The following BORA variants were observed in gnomAD, a reference collection of about 807,000 sequenced individuals.
BORA encodes BORA aurora kinase A activator, also known as protein aurora borealis.
A neutral mutation model predicts 55.8 loss-of-function variants in BORA; 26 were observed. The observed-to-expected ratio is 0.47, with a 90% CI of 0.34 to 0.65. BORA has a LOEUF of 0.65. Ranked by LOEUF, BORA falls within the 30% of genes least tolerant of loss-of-function variation. The probability of loss-of-function intolerance (pLI) is 0.01; values close to 1 mark genes in which losing one functional copy is unlikely to be tolerated. For missense variants in BORA, 568 were observed against 671.5 expected, an observed-to-expected ratio of 0.85 and a Z score of 1.70; for synonymous variants, 201 against 216.9, an observed-to-expected ratio of 0.93 and a Z score of 0.64.
Position 72,745,003 on chromosome 13 carries a change from A to T in BORA, c.534A>T (p.Glu178Asp), listed in dbSNP as rs768033638. The change falls in exon 8 of 12, where the codon GAA (glutamate) becomes GAT (aspartate). Residue 178 changes from glutamate (E) to aspartate (D), a missense_variant. Glu to Asp is a conservative substitution (Grantham distance 45). Transcript: ENST00000390667. Reference protein sequence around the residue: ...NILGDYFRADEFADQSPGNLS... With the variant: ...NILGDYFRADDFADQSPGNLS... ...TAGGTGACTATTTTAGAGCTGATGA[A>T]TTTGCAGATCAATCTCCTGGAAACC... The T allele has an allele frequency of 8.1e-6, 13 of 1,613,876 alleles. No individual in the cohort carries two copies. The South Asian group carries it at 1.4e-4, about 18-fold the overall frequency.
chr13:72,753,747 G>C lies in BORA; in HGVS notation c.1540G>C (p.Ala514Pro), dbSNP rs1376895443. The change falls in exon 11 of 12, where the codon GCA becomes CCA. Residue 514 changes from alanine to proline, a missense_variant. Physicochemically the swap from Ala to Pro is conservative, Grantham distance 27. Transcript: ENST00000390667. The stretch of plus-strand genomic sequence containing the variant: ...AAGCAATATTATGGATACAGTTGGG[G>C]CAGAAAGTTACTGCAAAGAAAGTGA... ...CGSNIMDTVG[A>P]ESYCKESDAQ... 4 of 1,613,540 alleles carry C rather than the reference G, an allele frequency of 2.5e-6. No individual in the cohort carries two copies. Among genetic ancestry groups the C allele is most frequent in the Non-Finnish European group, 2.5e-6 (3 of 1,179,674 alleles).
intron 6 of BORA, among the ~76,000 whole-genome samples, 189 bp from the exon 7 acceptor site, chr13:72,744,316 C>G (rs1233511774): frequency 6.6e-6 from 1 of 152,132 alleles, no homozygotes; most frequent in Non-Finnish European, 1.5e-5. Flanking sequence ...ACACCAGTTG[C>G]GGAGAGTGTG....
chr13:72,746,193 C>T, intron 9 of BORA, 117 bp downstream of exon 9: 2 of 997,574 alleles, frequency 2.0e-6, no homozygotes, highest in Non-Finnish European at 2.9e-6. Context: ...AACCTTCTAA[C>T]ATTTAGGAAC....
chr13:72,746,434 A>AT (rs1319884640), intron 9 of BORA, 67 bp from the exon 10 acceptor site: 2 of 1,498,788 alleles, frequency 1.3e-6, no homozygotes, highest in Non-Finnish European at 1.8e-6. Context: ...CATGATTACC[A>AT]TTTAGTAGTG....
At chr13:72,750,791 C>T (rs920713358) in intron 10 of BORA, among the ~76,000 whole-genome samples, 1 of 152,074 alleles carries the variant, frequency 6.6e-6, no homozygotes, top group African/African-American at 2.4e-5. Context: ...TAGATATCGT[C>T]ATCTGTCAAA....
In BORA at chr13:72,745,925, C is replaced by T; in HGVS notation, c.739-19C>T. The T allele has an allele frequency of 6.3e-7, 1 of 1,593,014 alleles. No homozygotes were observed. The highest frequency in any genetic ancestry group is 8.6e-7 in the Non-Finnish European group (1 of 1,169,518). ...GAAGAGAACCATATACATTTATTTA[C>T]TATTTAATTTTATTACAGGGGCAGT... On this transcript the variant is annotated intron_variant, in intron 8 of 11. Transcript: ENST00000390667.
At chr13:72,744,599 A>G in intron 7 of BORA, 38 bp downstream of exon 7, 1 of 1,491,678 alleles carries the variant, frequency 6.7e-7, no homozygotes, top group Admixed American at 1.8e-5. Context: ...AATAACTTGA[A>G]CCAAAGGTTT....
intron 5 of BORA, among the ~76,000 whole-genome samples, chr13:72,739,575 G>C (rs771119391): frequency 6.6e-6 from 1 of 152,184 alleles, no homozygotes; most frequent in Non-Finnish European, 1.5e-5. Context: ...TTGTTTTGCT[G>C]TCCAGTATAG....
intron 10 of BORA, among the ~76,000 whole-genome samples, chr13:72,749,964 C>T (rs1176521484): frequency 1.3e-5 from 2 of 152,212 alleles, no homozygotes; most frequent in East Asian, 3.9e-4. Flanking sequence ...TTTTTATCCC[C>T]AGTGCTTATT....
At chr13:72,739,140 C>A (rs1233603083) in intron 5 of BORA, among the ~76,000 whole-genome samples, 1 of 152,072 alleles carries the variant, frequency 6.6e-6, no homozygotes, top group Non-Finnish European at 1.5e-5. Flanking sequence ...CATTTACATC[C>A]CCCCAGCTCT....
chr13:72,754,234 T>C lies in BORA; in HGVS notation c.1614+413T>C, dbSNP rs184258977. 7.1e-3 allele frequency: 1,114 copies of C among 157,194 alleles called. 18 individuals carry two copies. Among genetic ancestry groups the C allele is most frequent in the African/African-American group, 0.026 (1,074 of 41,572 alleles). The allele number at this position is 157,194 out of a possible 1,614,324, so 9.7% of individuals were successfully genotyped here. A position where few individuals can be genotyped will look rare whatever the true frequency, so the allele number is the denominator to read the frequency against. ...CAAACTCCTGGTGTCAAGCAGTCTTTCTGCCTCAGCCTCGCAAAGTGCTGC... is the reference window on the plus strand; with the variant it reads ...CAAACTCCTGGTGTCAAGCAGTCTTCCTGCCTCAGCCTCGCAAAGTGCTGC... On this transcript the variant is annotated intron_variant, in intron 11 of 11. Coordinates refer to ENST00000390667, the MANE Select transcript of BORA (RefSeq NM_024808.5).
intron 10 of BORA, among the ~76,000 whole-genome samples, chr13:72,750,759 C>T (rs77332909): frequency 0.032 from 4,905 of 152,178 alleles, 230 homozygotes; most frequent in East Asian, 0.18. Context: ...AAGCTAATCC[C>T]TGTAATACCT....
At position 72,747,002 on chromosome 13, in the gene BORA, C is replaced by T. The variant is rs747689164; in HGVS notation, c.1373C>T (p.Pro458Leu). The T allele has an allele frequency of 6.2e-7, 1 of 1,614,038 alleles. No homozygotes were observed. The highest frequency in any genetic ancestry group is 8.5e-7 in the Non-Finnish European group (1 of 1,179,986). ...IKEPVDNGSLPMTDFVSGIAF... is the reference protein window; with the variant it reads ...IKEPVDNGSLLMTDFVSGIAF... ...GAGCCGGTTGATAATGGCAGTTTACCCATGACTGATTTTGTAAGTGGCATT... is the reference window on the plus strand; with the variant it reads ...GAGCCGGTTGATAATGGCAGTTTACTCATGACTGATTTTGTAAGTGGCATT... The change falls in exon 10 of 12, where the codon CCC becomes CTC. Residue 458 changes from proline to leucine, a missense_variant. Physicochemically the swap from Pro to Leu is moderately conservative, Grantham distance 98 (BLOSUM62 -3). Coordinates refer to ENST00000390667, the MANE Select transcript of BORA (RefSeq NM_024808.5).
intron 5 of BORA, among the ~76,000 whole-genome samples, chr13:72,739,429 A>G (rs1452779909): frequency 1.3e-5 from 2 of 152,188 alleles, no homozygotes; most frequent in Non-Finnish European, 2.9e-5. Flanking sequence ...TTGTTGGGAG[A>G]CAATTCTCCA....
At chr13:72,737,129 A>G (rs1406374998) in intron 4 of BORA, among the ~76,000 whole-genome samples, 1 of 152,236 alleles carries the variant, frequency 6.6e-6, no homozygotes, top group Non-Finnish European at 1.5e-5. Flanking sequence ...ACACTGTGGT[A>G]GAAATGAAAG....
intron 2 of BORA, among the ~76,000 whole-genome samples, chr13:72,729,482 T>C (rs1172696418): frequency 6.6e-6 from 1 of 152,200 alleles, no homozygotes; most frequent in Non-Finnish European, 1.5e-5. Context: ...GATTACACTG[T>C]GAACAAGTTA....
chr13:72,742,787 C>T lies in BORA; in HGVS notation c.389-750C>T, dbSNP rs866108334. ...ATATATACACACACACACACACACA[C>T]ACACACACACACACACACACACACA... On this transcript the variant is annotated intron_variant, in intron 5 of 11. Coordinates refer to ENST00000390667, the MANE Select transcript of BORA (RefSeq NM_024808.5). Among the ~76,000 whole-genome samples, 225 of 144,338 alleles carry T rather than the reference C, an allele frequency of 1.6e-3. 1 individual carries two copies. The highest frequency in any genetic ancestry group is 4.1e-3 in the African/African-American group (145 of 35,188). The allele number at this position is 144,338 out of a possible 152,430, so 94.7% of individuals were successfully genotyped here. A position where few individuals can be genotyped will look rare whatever the true frequency, so the allele number is the denominator to read the frequency against.
intron 7 of BORA, 32 bp from the exon 8 acceptor site, chr13:72,744,949 A>G: frequency 6.3e-7 from 1 of 1,581,028 alleles, no homozygotes; most frequent in Non-Finnish European, 8.7e-7. Context: ...TAAAATGACT[A>G]GCTTTGCCTT....
chr13:72,751,394 A>G (rs185967021), intron 10 of BORA, among the ~76,000 whole-genome samples: 96 of 152,346 alleles, frequency 6.3e-4, no homozygotes, highest in African/African-American at 2.3e-3. Flanking sequence ...TGTGGTATAT[A>G]TACACAATGG....
Sources: allele counts gnomAD v4.1 joint callset (sites outside exome capture counted in the v4.1 genomes callset), GRCh38; gene constraint gnomAD v4.1.1; transcripts MANE v1.5; gene names NCBI Gene and HGNC (gene_info 2026-07-23, HGNC 2026-07-21).